KLB: variants seen among roughly 807,000 people sequenced by gnomAD.
KLB encodes the protein beta-klotho.
Under a neutral mutation model 88.4 loss-of-function variants are expected in KLB, and 44 were observed. That is an observed-to-expected ratio of 0.50 (90% CI 0.39 to 0.64). The LOEUF (loss-of-function observed/expected upper bound fraction) is 0.64, where lower values mean the gene tolerates loss of function less well. Ranked by LOEUF, KLB falls within the 30% of genes least tolerant of loss-of-function variation. The probability of loss-of-function intolerance (pLI) is 0.00; values close to 1 mark genes in which losing one functional copy is unlikely to be tolerated. For missense variants in KLB, 1,137 were observed against 1,304.8 expected, an observed-to-expected ratio of 0.87 and a Z score of 1.98; for synonymous variants, 548 against 513.4, an observed-to-expected ratio of 1.07 and a Z score of -0.91.
chr4:39,443,396 G>GA (rs902551397), intron 3 of KLB, among the ~76,000 whole-genome samples: 28 of 148,920 alleles, frequency 1.9e-4, no homozygotes, highest in Middle Eastern at 3.4e-3. Flanking sequence ...AAAGAAAAAA[G>GA]AAAAAAAAAG....
intron 1 of KLB, among the ~76,000 whole-genome samples, chr4:39,410,279 T>G (rs1320713617): frequency 6.6e-6 from 1 of 152,202 alleles, no homozygotes; most frequent in Non-Finnish European, 1.5e-5. Context: ...GTTGATAAAA[T>G]GACATATTTT....
Position 39,446,689 on chromosome 4 carries a change from C to A in KLB, c.1963C>A (p.Leu655Met), listed in dbSNP as rs1217731430. 3 of 1,611,238 alleles carry A rather than the reference C, an allele frequency of 1.9e-6. No individual in the cohort carries two copies. The highest frequency in any genetic ancestry group is 2.5e-6 in the Non-Finnish European group (3 of 1,178,228). ...THAHLGLPEP[L>M]LHADGWLNPS... ...CGCCCACCTAGGCCTCCCCGAGCCT[C>A]TGTTGCATGCCGACGGGTGGCTGAA... is the stretch of plus-strand genomic sequence containing the variant. Residue 655 changes from leucine (L) to methionine (M), a missense_variant, in exon 4 of 5, where the codon CTG becomes ATG. Around this residue, in one of 4 missense-constraint regions of KLB, gnomAD observed 597 missense variants for 765.2 expected, o/e 0.78. Transcript: ENST00000257408. The surrounding 1 kb of genome is among the most constrained non-coding windows in gnomAD (Gnocchi z 6.4).
intron 2 of KLB, among the ~76,000 whole-genome samples, chr4:39,437,302 C>G (rs1452432850): frequency 6.6e-6 from 1 of 151,944 alleles, no homozygotes. Flanking sequence ...TTTTTTTTAA[C>G]TCCTTGAAGG....
rs1304992758 is a variant in KLB at position 39,449,534 on chromosome 4, C to T, written c.*848C>T. ...TTGTCTAAGCCAGTTACAACACAGA[C>T]TCTTAAAGAGGATCAAGCCCTTCAT... On this transcript the variant is annotated 3_prime_UTR_variant, in exon 5 of 5. Coordinates refer to ENST00000257408, the MANE Select transcript of KLB (RefSeq NM_175737.4). The T allele has an allele frequency of 2.1e-5, 3 of 145,520 alleles. No homozygotes were observed. The highest frequency in any genetic ancestry group is 6.7e-5 in the Admixed American group (1 of 14,844). The allele number at this position is 145,520 out of a possible 1,614,324, so 9.0% of individuals were successfully genotyped here. A position where few individuals can be genotyped will look rare whatever the true frequency, so the allele number is the denominator to read the frequency against.
At chr4:39,441,708 C>G (rs1743598539) in intron 3 of KLB, 1 of 151,872 alleles carries the variant, frequency 6.6e-6, no homozygotes, top group African/African-American at 2.4e-5. Context: ...CTGGTTACAA[C>G]CAGTTACAGA....
chr4:39,446,654 A>T lies in KLB; in HGVS notation c.1928A>T (p.Tyr643Phe). ...LGISAMVTLYYPTHAHLGLPE... is the reference protein window; with the variant it reads ...LGISAMVTLYFPTHAHLGLPE... ...ATCTCCGCGATGGTCACCCTGTATT[A>T]TCCGACCCACGCCCACCTAGGCCTC... The change falls in exon 4 of 5, where the codon TAT becomes TTT. Residue 643 changes from tyrosine (Y) to phenylalanine (F), a missense_variant. Tyr to Phe is a conservative substitution (Grantham distance 22, BLOSUM62 3). Around this residue, in one of 4 missense-constraint regions of KLB, gnomAD observed 597 missense variants for 765.2 expected, o/e 0.78. Transcript: ENST00000257408. The surrounding 1 kb of genome is among the most constrained non-coding windows in gnomAD (Gnocchi z 6.4). The T allele has an allele frequency of 6.2e-7, 1 of 1,613,036 alleles. No homozygotes were observed. Among genetic ancestry groups the T allele is most frequent in the Non-Finnish European group, 8.5e-7 (1 of 1,179,438 alleles).
In KLB at chr4:39,407,122, G is replaced by T. The variant is rs1435664259; in HGVS notation, c.173G>T (p.Arg58Ile). 6.2e-7 allele frequency: 1 copy of T among 1,614,134 alleles called. No individual in the cohort carries two copies. The highest frequency in any genetic ancestry group is 2.2e-5 in the East Asian group (1 of 44,888). ...RAVTGFSGDG[R>I]AIWSKNPNFT... ...GTTACTGGATTCTCTGGAGATGGAA[G>T]AGCTATATGGTCTAAAAATCCTAAT... is the stretch of plus-strand genomic sequence containing the variant. The change falls in exon 1 of 5, where the codon AGA becomes ATA. Residue 58 changes from arginine to isoleucine, a missense_variant. Around this residue, in one of 4 missense-constraint regions of KLB, gnomAD observed 111 missense variants for 118.3 expected, o/e 0.94. Coordinates refer to ENST00000257408, the MANE Select transcript of KLB (RefSeq NM_175737.4).
chr4:39,434,678 G>A lies in KLB; in HGVS notation c.1294G>A (p.Ala432Thr), dbSNP rs1743432473. 6.2e-7 allele frequency: 1 copy of A among 1,613,912 alleles called. No homozygotes were observed. Among genetic ancestry groups the A allele is most frequent in the Non-Finnish European group, 8.5e-7 (1 of 1,179,852 alleles). ...DSRVKTEDTT[A>T]IYMMKNFLSQ... ...TCGTGTGAAAACAGAAGACACCACG[G>A]CCATCTACATGATGAAGAATTTCCT... The change falls in exon 2 of 5, where the codon GCC (alanine) becomes ACC (threonine). Residue 432 changes from alanine to threonine, a missense_variant. Around this residue, in one of 4 missense-constraint regions of KLB, gnomAD observed 597 missense variants for 765.2 expected, o/e 0.78. Coordinates refer to ENST00000257408, the MANE Select transcript of KLB (RefSeq NM_175737.4).
In KLB at chr4:39,447,081, C is replaced by T; in HGVS notation, c.2355C>T (p.Ala785=). The change falls in exon 4 of 5, where the codon GCC becomes GCT. Residue 785 remains alanine, a synonymous_variant. Transcript: ENST00000257408. ...PLFKTGDYPA[A]MREYIASKHR... ...TCAAGACCGGGGACTACCCCGCGGC[C>T]ATGAGGGAATACATTGCCTCCAAGC... The T allele has an allele frequency of 6.2e-7, 1 of 1,613,106 alleles. No homozygotes were observed. The highest frequency in any genetic ancestry group is 8.5e-7 in the Non-Finnish European group (1 of 1,179,962).
chr4:39,417,919 C>G (rs944719590), intron 1 of KLB, among the ~76,000 whole-genome samples: 20 of 152,236 alleles, frequency 1.3e-4, no homozygotes, highest in African/African-American at 4.8e-4. Context: ...AAAGTCTGAT[C>G]TGTGTCAATC....
chr4:39,448,359 GA>G lies in KLB; in HGVS notation c.2811del (p.Lys937AsnfsTer25). 6.2e-7 allele frequency: 1 copy of G among 1,612,958 alleles called. No homozygotes were observed. The highest frequency in any genetic ancestry group is 8.5e-7 in the Non-Finnish European group (1 of 1,178,934). ...GYYAFKLAEE[K>X]SKPRFGFFTS... ...ATTATGCATTCAAACTGGCTGAAGA[GA>G]AATCTAAACCCAGATTTGGATTCTT... On this transcript the variant is annotated frameshift_variant, in exon 5 of 5. Coordinates refer to ENST00000257408, the MANE Select transcript of KLB (RefSeq NM_175737.4). LOFTEE classifies it low-confidence loss of function (END_TRUNC).
intron 1 of KLB, among the ~76,000 whole-genome samples, chr4:39,433,762 A>C (rs2109835242): frequency 6.6e-6 from 1 of 152,202 alleles, no homozygotes; most frequent in African/African-American, 2.4e-5. Flanking sequence ...CGGGAAGCTG[A>C]GACAGGAGAA....
At position 39,448,429 on chromosome 4, in the gene KLB, A is replaced by G; in HGVS notation, c.2878A>G (p.Lys960Glu). 1 of 1,614,218 alleles carries G rather than the reference A, an allele frequency of 6.2e-7. No individual in the cohort carries two copies. Among genetic ancestry groups the G allele is most frequent in the East Asian group, 2.2e-5 (1 of 44,876 alleles). Residue 960 changes from lysine (K) to glutamate (E), a missense_variant, in exon 5 of 5, where the codon AAA becomes GAA. By Grantham distance (56) the Lys-to-Glu change is moderately conservative (BLOSUM62 1). Coordinates refer to ENST00000257408, the MANE Select transcript of KLB (RefSeq NM_175737.4). ...TAAATCCTCAATACAATTTTACAACAAAGTGATCAGCAGCAGGGGCTTCCC... is the reference window on the plus strand; with the variant it reads ...TAAATCCTCAATACAATTTTACAACGAAGTGATCAGCAGCAGGGGCTTCCC... Reference protein sequence around the residue: ...KAKSSIQFYNKVISSRGFPFE... With the variant: ...KAKSSIQFYNEVISSRGFPFE...
intron 1 of KLB, among the ~76,000 whole-genome samples, chr4:39,418,007 C>T (rs773883548): frequency 2.3e-4 from 35 of 152,194 alleles, no homozygotes; most frequent in Non-Finnish European, 5.1e-4. Flanking sequence ...AAACCCATGT[C>T]CATCACTTGT....
intron 1 of KLB, among the ~76,000 whole-genome samples, chr4:39,426,041 A>G (rs1014471670): frequency 1.3e-5 from 2 of 152,024 alleles, no homozygotes; most frequent in Non-Finnish European, 2.9e-5. Context: ...TCACTATGTC[A>G]GGAGATTGAG....
intron 1 of KLB, among the ~76,000 whole-genome samples, chr4:39,409,849 G>A (rs923964433): frequency 9.2e-5 from 14 of 151,866 alleles, no homozygotes; most frequent in East Asian, 5.9e-4. Flanking sequence ...CCTTGAACCC[G>A]GGAGGCAGAG....
intron 3 of KLB, among the ~76,000 whole-genome samples, chr4:39,443,247 G>A (rs770803538): frequency 6.6e-6 from 1 of 151,996 alleles, no homozygotes; most frequent in African/African-American, 2.4e-5. Context: ...TTGTGGCTAG[G>A]CACACTTGTT....
At chr4:39,439,887 C>T (rs574466940) in intron 3 of KLB, among the ~76,000 whole-genome samples, 5 of 152,078 alleles carry the variant, frequency 3.3e-5, no homozygotes, top group African/African-American at 7.2e-5. Flanking sequence ...AAACTGGCTT[C>T]GAAATCCTGA....
intron 1 of KLB, among the ~76,000 whole-genome samples, chr4:39,412,160 G>A (rs28712821): frequency 0.56 from 85,252 of 151,608 alleles, 24,383 homozygotes; most frequent in Non-Finnish European, 0.6. Context: ...AGACTTCACC[G>A]TTATACAATT....
Sources: allele counts gnomAD v4.1 joint callset (sites outside exome capture counted in the v4.1 genomes callset), GRCh38; gene constraint gnomAD v4.1.1; regional missense constraint gnomAD v4.1.1; non-coding constraint Gnocchi (gnomAD v3.1); transcripts MANE v1.5; gene names NCBI Gene and HGNC (gene_info 2026-07-23, HGNC 2026-07-21).